Variants in GATB observed in about 807,000 individuals in gnomAD.
GATB encodes glutamyl-tRNA(Gln) amidotransferase subunit B, mitochondrial.
In GATB, 39 loss-of-function variants were observed where a neutral mutation model predicts 62.3. That is an observed-to-expected ratio of 0.63 (90% CI 0.48 to 0.82). The LOEUF (loss-of-function observed/expected upper bound fraction) is 0.82. Ranked by LOEUF, GATB falls within the 40% of genes least tolerant of loss-of-function variation. The pLI is 0.00. For synonymous variants in GATB, 276 were observed against 258.9 expected (o/e 1.07, Z -0.63); for missense variants, 670 against 684.0 (o/e 0.98, Z 0.23).
chr4:151,684,849 C>T (rs1738212157), intron 10 of GATB, among the ~76,000 whole-genome samples: 1 of 152,180 alleles, frequency 6.6e-6, no homozygotes, highest in Non-Finnish European at 1.5e-5. Flanking sequence ...TGGGTAAATA[C>T]CAGGGGCTCC....
chr4:151,754,251 C>A (rs1310212237), intron 2 of GATB, among the ~76,000 whole-genome samples: 1 of 152,220 alleles, frequency 6.6e-6, no homozygotes, highest in Middle Eastern at 3.2e-3. Context: ...TATGCTACAA[C>A]ACATGGAAAA....
chr4:151,713,304 C>A (rs1738854840), intron 5 of GATB, among the ~76,000 whole-genome samples: 1 of 152,152 alleles, frequency 6.6e-6, no homozygotes, highest in Non-Finnish European at 1.5e-5. Context: ...CTTGAATCAT[C>A]CTGAAACCAC....
intron 1 of GATB, among the ~76,000 whole-genome samples, chr4:151,759,937 G>A (rs1739917388): frequency 6.6e-6 from 1 of 152,136 alleles, no homozygotes; most frequent in South Asian, 2.1e-4. Flanking sequence ...AATTAAAGTA[G>A]GAACTCATTA....
chr4:151,741,891 C>A (rs910961564), intron 2 of GATB, among the ~76,000 whole-genome samples: 1 of 152,148 alleles, frequency 6.6e-6, no homozygotes, highest in Non-Finnish European at 1.5e-5. Flanking sequence ...AAATGATCAT[C>A]TTTAAAGGCA....
chr4:151,701,299 G>A, intron 9 of GATB, 30 bp downstream of exon 9: 1 of 1,480,406 alleles, frequency 6.8e-7, no homozygotes. Context: ...TGCTGAGCCG[G>A]GATCCTCTTG....
intron 4 of GATB, among the ~76,000 whole-genome samples, chr4:151,716,510 G>C (rs1402133044): frequency 6.6e-6 from 1 of 152,128 alleles, no homozygotes; most frequent in Non-Finnish European, 1.5e-5. Flanking sequence ...TCTGCGTACA[G>C]TGATCCTCCC....
At chr4:151,671,734 C>T (rs1737868338) in intron 12 of GATB, among the ~76,000 whole-genome samples, 3 of 152,020 alleles carry the variant, frequency 2.0e-5, no homozygotes. Context: ...CCCCTGCTCC[C>T]CACCAAGAAG....
At chr4:151,750,801 TA>T (rs1394219128) in intron 2 of GATB, among the ~76,000 whole-genome samples, 1 of 151,020 alleles carries the variant, frequency 6.6e-6, no homozygotes, top group East Asian at 2.0e-4. Flanking sequence ...CTTATTTTTG[TA>T]TTTTTTTTTT....
chr4:151,716,277 C>CTTTTTTTTT, intron 4 of GATB, 146 bp from the exon 5 acceptor site: 1 of 413,200 alleles, frequency 2.4e-6, no homozygotes, highest in Non-Finnish European at 3.9e-6. Flanking sequence ...TCCCTCCCAC[C>CTTTTTTTTT]TTTTTTTTTT....
At chr4:151,715,905 CA>C in intron 5 of GATB, 103 bp downstream of exon 5, 1 of 1,294,090 alleles carries the variant, frequency 7.7e-7, no homozygotes, top group South Asian at 2.1e-5. Context: ...AAAATGGCTG[CA>C]AACAACCTCA....
chr4:151,726,188 C>T (rs1739133753), intron 2 of GATB, among the ~76,000 whole-genome samples: 1 of 152,184 alleles, frequency 6.6e-6, no homozygotes, highest in Non-Finnish European at 1.5e-5. Context: ...GGCAGTAAAA[C>T]AGGCCTTTAT....
intron 9 of GATB, among the ~76,000 whole-genome samples, chr4:151,701,110 G>A (rs1738592279): frequency 3.3e-5 from 5 of 152,168 alleles, no homozygotes; most frequent in Admixed American, 3.3e-4. Context: ...ACTAACACAA[G>A]ATTGCGTTTC....
chr4:151,739,521 C>T (rs1739444180), intron 2 of GATB, among the ~76,000 whole-genome samples: 1 of 152,222 alleles, frequency 6.6e-6, no homozygotes, highest in African/African-American at 2.4e-5. Context: ...ACATGTGAAG[C>T]CGCAAACACA....
At chr4:151,729,881 A>G (rs962668582) in intron 2 of GATB, among the ~76,000 whole-genome samples, 3 of 152,210 alleles carry the variant, frequency 2.0e-5, no homozygotes, top group Non-Finnish European at 4.4e-5. Flanking sequence ...GACGGGAGGC[A>G]GGACTAGATT....
At position 151,697,977 on chromosome 4, in the gene GATB, A is replaced by G. The variant is rs867547538; in HGVS notation, c.1197+3352T>C. 7.7e-4 allele frequency among the ~76,000 whole-genome samples: 101 copies of G among 131,794 alleles called. 7 individuals are homozygous for G. The highest frequency in any genetic ancestry group is 1.5e-3 in the African/African-American group (47 of 30,908). The allele number at this position is 131,794 out of a possible 152,430, so 86.5% of individuals were successfully genotyped here. On this transcript the variant is annotated intron_variant, in intron 9 of 12. Transcript: ENST00000263985. ...TGTATATATATATATATATATATAT[A>G]TATATATATATATATATGAAATGAA...
At chr4:151,720,425 T>A (rs1739005140) in intron 2 of GATB, 1 of 152,186 alleles carries the variant, frequency 6.6e-6, no homozygotes, top group African/African-American at 2.4e-5. Context: ...GATAAAGTGA[T>A]AGCTGGAACA....
chr4:151,686,455 C>T (rs1182672345), intron 10 of GATB, among the ~76,000 whole-genome samples: 2 of 152,084 alleles, frequency 1.3e-5, no homozygotes, highest in East Asian at 3.9e-4. Context: ...TCTTCACTCC[C>T]CGGGATGCTG....
intron 8 of GATB, chr4:151,703,433 GAAC>G: frequency 5.5e-6 from 1 of 183,412 alleles, no homozygotes; most frequent in Non-Finnish European, 1.2e-5. Flanking sequence ...AGGTTCAAGG[GAAC>G]TACCATCAAC....
intron 4 of GATB, 188 bp from the exon 5 acceptor site, chr4:151,716,319 G>C: frequency 1.8e-6 from 1 of 564,866 alleles, no homozygotes; most frequent in South Asian, 2.7e-5. Flanking sequence ...ATCTTGCTCT[G>C]CTGCCCAGGC....
Sources: gnomAD v4.1 joint callset for allele counts (sites outside exome capture counted in the v4.1 genomes callset) on GRCh38, gnomAD v4.1.1 for gene constraint, MANE v1.5 for transcripts, NCBI Gene and HGNC (gene_info 2026-07-23, HGNC 2026-07-21) for gene names.